The following ALKBH8 variants were observed in gnomAD, a reference collection of about 807,000 sequenced individuals.
ALKBH8 encodes alkB homolog 8, tRNA methyltransferase.
ALKBH8 carries 36 observed loss-of-function variants against 59.8 expected under a neutral mutation model. That is an observed-to-expected ratio of 0.60 (90% CI 0.46 to 0.79). ALKBH8 has a LOEUF of 0.79. Among genes scored for constraint, ALKBH8 ranks in the 30% least tolerant of loss-of-function variants. The pLI is 0.00. For missense variants in ALKBH8, 768 were observed against 801.0 expected (o/e 0.96, Z 0.50); for synonymous variants, 276 against 273.6 (o/e 1.01, Z -0.09).
At chr11:107,509,207 T>A (rs1357787231) in intron 11 of ALKBH8, among the ~76,000 whole-genome samples, 1 of 152,186 alleles carries the variant, frequency 6.6e-6, no homozygotes, top group Admixed American at 6.5e-5. Context: ...GCCATCCTAA[T>A]GTATGTGAAG....
At chr11:107,551,013 G>A (rs1476024597) in intron 6 of ALKBH8, among the ~76,000 whole-genome samples, 5 of 152,178 alleles carry the variant, frequency 3.3e-5, no homozygotes, top group South Asian at 2.1e-4. Context: ...TGCTATAAAC[G>A]TCAGATGAAG....
At chr11:107,537,034 T>C (rs1863846102) in intron 7 of ALKBH8, among the ~76,000 whole-genome samples, 1 of 152,220 alleles carries the variant, frequency 6.6e-6, no homozygotes, top group African/African-American at 2.4e-5. Context: ...TCATCACCTA[T>C]GGTGAGGCCT....
chr11:107,542,234 A>T (rs1460295825), intron 7 of ALKBH8, among the ~76,000 whole-genome samples: 2 of 152,174 alleles, frequency 1.3e-5, no homozygotes, highest in Admixed American at 1.3e-4. Flanking sequence ...TCCCAAGCAG[A>T]ATAAACAAGC....
chr11:107,519,692 A>C (rs952517989), intron 10 of ALKBH8, among the ~76,000 whole-genome samples: 3 of 152,328 alleles, frequency 2.0e-5, no homozygotes, highest in Admixed American at 6.5e-5. Flanking sequence ...CCTCCAATGA[A>C]CATCTCCTTT....
chr11:107,565,654 A>G lies in ALKBH8; in HGVS notation c.-60T>C, dbSNP rs1397919240. ...CCATGCGTGTGCCTTCTTCTTTGCC[A>G]GCCTCTCCACTCTAGCACCAGAACA... On this transcript the variant is annotated 5_prime_UTR_variant, in exon 1 of 12. Coordinates refer to ENST00000428149, the MANE Select transcript of ALKBH8 (RefSeq NM_138775.3). 11 of 1,535,558 alleles carry G rather than the reference A, an allele frequency of 7.2e-6. No individual in the cohort carries two copies. In the African/African-American group the frequency reaches 1.4e-4, roughly 19 times the overall value.
rs556026632 is a variant in ALKBH8, at chr11:107,522,465, T to C, written c.1121A>G (p.Tyr374Cys). 2.2e-5 allele frequency: 34 copies of C among 1,551,800 alleles called. No individual in the cohort carries two copies. The East Asian group carries it at 8.1e-4, about 37-fold the overall frequency. Reference protein sequence around the residue: ...DKEASRLEQEYVHQVYEEIAG... With the variant: ...DKEASRLEQECVHQVYEEIAG... Reference sequence around the variant, plus strand: ...AATCTCTTCATAAACCTGATGGACGTACTCTTGCTCCAGCCGTGAGGCTTC... The same window carrying C: ...AATCTCTTCATAAACCTGATGGACGCACTCTTGCTCCAGCCGTGAGGCTTC... Residue 374 changes from tyrosine to cysteine, a missense_variant, in exon 10 of 12, where the codon TAC (tyrosine) becomes TGC (cysteine). By Grantham distance (194) the Tyr-to-Cys change is radical. Transcript: ENST00000428149.
chr11:107,564,141 G>A lies in ALKBH8; in HGVS notation c.-7+1460C>T, dbSNP rs150912838. Among the ~76,000 whole-genome samples, 434 of 152,196 alleles carry A rather than the reference G, an allele frequency of 2.9e-3. 1 individual carries two copies. Among genetic ancestry groups the A allele is most frequent in the African/African-American group, 9.5e-3 (396 of 41,524 alleles). ...TTAACTATGATACTAGCCATGCTGA[G>A]TCCGGTTCAGCCAGCTCCAGCCTAA... is the stretch of plus-strand genomic sequence containing the variant. On this transcript the variant is annotated intron_variant, in intron 1 of 11. Transcript: ENST00000428149.
chr11:107,547,548 C>T (rs963262694), intron 7 of ALKBH8, among the ~76,000 whole-genome samples: 21 of 152,078 alleles, frequency 1.4e-4, no homozygotes, highest in African/African-American at 5.1e-4. Flanking sequence ...ATCCTTCAGC[C>T]AGGAAAGAAA....
At chr11:107,539,295 A>G (rs1863941469) in intron 7 of ALKBH8, among the ~76,000 whole-genome samples, 1 of 152,150 alleles carries the variant, frequency 6.6e-6, no homozygotes, top group Admixed American at 6.6e-5. Context: ...CTCCTTTAGA[A>G]TAGGTTAAAA....
At chr11:107,532,179 C>A in intron 8 of ALKBH8, 121 bp downstream of exon 8, 1 of 691,802 alleles carries the variant, frequency 1.4e-6, no homozygotes. Context: ...ATAGATGCCC[C>A]TAGGAGTTCT....
intron 7 of ALKBH8, among the ~76,000 whole-genome samples, chr11:107,543,969 G>A (rs2077394273): frequency 6.6e-6 from 1 of 152,164 alleles, no homozygotes; most frequent in Non-Finnish European, 1.5e-5. Flanking sequence ...AAATATTGAT[G>A]AGTGAATTTA....
At position 107,505,027 on chromosome 11, in the gene ALKBH8, C is replaced by T; in HGVS notation, c.1626G>A (p.Val542=). 6.4e-7 allele frequency: 1 copy of T among 1,551,724 alleles called. No individual in the cohort carries two copies. Among genetic ancestry groups the T allele is most frequent in the Non-Finnish European group, 8.7e-7 (1 of 1,146,968 alleles). Residue 542 remains valine, a synonymous_variant, in exon 12 of 12, where the codon GTG becomes GTA. Transcript: ENST00000428149. ...NSDTSVQRSL[V]EQMRDMGSRD... ...GACTGCCCATGTCACGCATTTGCTC[C>T]ACAAGTGACCTCTGCACTGAGGTAT...
intron 5 of ALKBH8, among the ~76,000 whole-genome samples, chr11:107,552,464 A>G (rs947641121): frequency 2.6e-5 from 4 of 152,202 alleles, no homozygotes; most frequent in African/African-American, 9.6e-5. Context: ...TAAATTCTTA[A>G]TCAATTAGAC....
At position 107,551,908 on chromosome 11, in the gene ALKBH8, A is replaced by G; in HGVS notation, c.600T>C (p.Leu200=). Residue 200 remains leucine (L), a synonymous_variant, in exon 6 of 12, where the codon CTT becomes CTC. Coordinates refer to ENST00000428149, the MANE Select transcript of ALKBH8 (RefSeq NM_138775.3). ...VDKDKPLSGG[L]PDICESFLEK... ...CCAAAAAGCTTTCACAAATGTCAGG[A>G]AGACCTACAATGAGTAATCATAAAG... 6.7e-7 allele frequency: 1 copy of G among 1,491,934 alleles called. No individual in the cohort carries two copies. The highest frequency in any genetic ancestry group is 1.4e-5 in the African/African-American group (1 of 69,464). The allele number at this position is 1,491,934 out of a possible 1,614,324, so 92.4% of individuals were successfully genotyped here.
chr11:107,552,626 G>T (rs369498231), intron 5 of ALKBH8, among the ~76,000 whole-genome samples: 1 of 152,160 alleles, frequency 6.6e-6, no homozygotes, highest in Non-Finnish European at 1.5e-5. Context: ...TACACATTTG[G>T]TGAGAATATG....
intron 11 of ALKBH8, among the ~76,000 whole-genome samples, chr11:107,507,880 C>A (rs928761134): frequency 6.6e-6 from 1 of 152,138 alleles, no homozygotes; most frequent in Non-Finnish European, 1.5e-5. Flanking sequence ...AGATTTTCCA[C>A]ATAAAATCTT....
chr11:107,559,038 C>G (rs1286374736), intron 2 of ALKBH8, among the ~76,000 whole-genome samples: 1 of 152,134 alleles, frequency 6.6e-6, no homozygotes, highest in African/African-American at 2.4e-5. Flanking sequence ...GGCCATTTCC[C>G]CTATAATGTT....
intron 1 of ALKBH8, 174 bp downstream of exon 1, chr11:107,565,427 C>T: frequency 1.2e-6 from 1 of 808,438 alleles, no homozygotes. Flanking sequence ...GAGAGAACCA[C>T]CCAACGCAGA....
In ALKBH8 at chr11:107,522,325, G is replaced by C. The variant is rs1863147963; in HGVS notation, c.1261C>G (p.Leu421Val). ...ADIGCGNGKY[L>V]GINKELYMIG... ...ATATATAACTCCTTATTGATGCCAA[G>C]ATACTTTCCATTACCACATCCAATA... The change falls in exon 10 of 12, where the codon CTT becomes GTT. Residue 421 changes from leucine to valine, a missense_variant. By Grantham distance (32) the Leu-to-Val change is conservative. Transcript: ENST00000428149. 3 of 1,551,590 alleles carry C rather than the reference G, an allele frequency of 1.9e-6. No homozygotes were observed. The highest frequency in any genetic ancestry group is 2.6e-6 in the Non-Finnish European group (3 of 1,146,946).
Sources: gnomAD v4.1 joint callset for allele counts (sites outside exome capture counted in the v4.1 genomes callset) on GRCh38, gnomAD v4.1.1 for gene constraint, MANE v1.5 for transcripts, NCBI Gene and HGNC (gene_info 2026-07-23, HGNC 2026-07-21) for gene names.